SYT1: variants seen among roughly 807,000 people sequenced by gnomAD.
SYT1 encodes synaptotagmin-1.
A neutral mutation model predicts 44.8 loss-of-function variants in SYT1; 8 were observed. That is an observed-to-expected ratio of 0.18 (90% CI 0.10 to 0.32). The LOEUF is 0.32. Among genes scored for constraint, SYT1 ranks in the 10% least tolerant of loss-of-function variants. The pLI, the probability that SYT1 is intolerant of heterozygous loss-of-function variation, is 1.00. For synonymous variants in SYT1, 154 were observed against 188.8 expected (o/e 0.82, Z 1.51); for missense variants, 286 against 509.3 (o/e 0.56, Z 4.22).
intron 2 of SYT1, among the ~76,000 whole-genome samples, chr12:79,019,764 G>C (rs894488534): frequency 6.6e-6 from 1 of 151,888 alleles, no homozygotes; most frequent in Non-Finnish European, 1.5e-5. Flanking sequence ...GAGAAACCAG[G>C]AGTAAAATTT....
intron 1 of SYT1, among the ~76,000 whole-genome samples, chr12:78,897,354 A>C (rs944011821): frequency 6.6e-6 from 1 of 151,984 alleles, no homozygotes; most frequent in Non-Finnish European, 1.5e-5. Flanking sequence ...ATTACCCAGT[A>C]AACTATCCTT....
chr12:79,316,823 A>T (rs1357092378), intron 8 of SYT1, among the ~76,000 whole-genome samples: 4 of 152,228 alleles, frequency 2.6e-5, no homozygotes, highest in African/African-American at 9.6e-5. Flanking sequence ...TAAGCTTCTT[A>T]TAAGTGAGGA....
intron 3 of SYT1, among the ~76,000 whole-genome samples, chr12:79,055,767 T>C (rs1203705003): frequency 7.9e-5 from 12 of 152,054 alleles, no homozygotes; most frequent in African/African-American, 2.9e-4. Context: ...TAAAAATTAT[T>C]GTTGTTATAT....
intron 1 of SYT1, among the ~76,000 whole-genome samples, chr12:78,899,879 T>G (rs1875567530): frequency 6.6e-6 from 1 of 152,084 alleles, no homozygotes; most frequent in African/African-American, 2.4e-5. Context: ...CAAGATGAAG[T>G]TCTTTGAAGC....
At chr12:78,956,090 T>G (rs1471905536) in intron 1 of SYT1, among the ~76,000 whole-genome samples, 1 of 152,054 alleles carries the variant, frequency 6.6e-6, no homozygotes, top group Non-Finnish European at 1.5e-5. Context: ...TACTTCTCTA[T>G]TGAACACAGA....
chr12:79,201,558 C>G (rs1592848005), intron 3 of SYT1, among the ~76,000 whole-genome samples: 1 of 152,126 alleles, frequency 6.6e-6, no homozygotes, highest in African/African-American at 2.4e-5. Flanking sequence ...GTGACTGACA[C>G]TACCCAATTC....
At chr12:79,329,362 A>G (rs1386935275) in intron 8 of SYT1, among the ~76,000 whole-genome samples, 4 of 152,238 alleles carry the variant, frequency 2.6e-5, no homozygotes, top group Non-Finnish European at 5.9e-5. Flanking sequence ...GAACACTTAC[A>G]TGACATTATC....
intron 1 of SYT1, among the ~76,000 whole-genome samples, chr12:78,916,192 A>G (rs1432452408): frequency 6.6e-6 from 1 of 152,092 alleles, no homozygotes; most frequent in Non-Finnish European, 1.5e-5. Flanking sequence ...GACAGGCATT[A>G]ACATTATGGT....
intron 8 of SYT1, among the ~76,000 whole-genome samples, chr12:79,314,178 A>G (rs1338778332): frequency 6.6e-6 from 1 of 151,666 alleles, no homozygotes; most frequent in East Asian, 1.9e-4. Context: ...CAAAAAAAAA[A>G]AAAAAAAAAA....
At chr12:78,929,307 C>T (rs1317157618) in intron 1 of SYT1, among the ~76,000 whole-genome samples, 1 of 145,988 alleles carries the variant, frequency 6.8e-6, no homozygotes, top group East Asian at 2.1e-4. Flanking sequence ...GAGGCTGAGG[C>T]AGGAGAATTG....
intron 8 of SYT1, among the ~76,000 whole-genome samples, chr12:79,321,732 A>G (rs1381040074): frequency 6.6e-6 from 1 of 152,232 alleles, no homozygotes; most frequent in Non-Finnish European, 1.5e-5. Flanking sequence ...CAGGGGATAC[A>G]TTCATGGAAA....
chr12:79,282,477 ATT>A (rs1879101744), intron 4 of SYT1, among the ~76,000 whole-genome samples: 1 of 152,180 alleles, frequency 6.6e-6, no homozygotes, highest in South Asian at 2.1e-4. Flanking sequence ...GAATGTTAAA[ATT>A]GTTATTATAA....
intron 1 of SYT1, among the ~76,000 whole-genome samples, chr12:78,924,649 T>A (rs1217547461): frequency 6.8e-6 from 1 of 147,884 alleles, no homozygotes; most frequent in South Asian, 2.1e-4. Context: ...TTTATATATA[T>A]AAATATATAT....
chr12:79,253,445 G>T (rs1877335014), intron 4 of SYT1, among the ~76,000 whole-genome samples: 1 of 150,570 alleles, frequency 6.6e-6, no homozygotes, highest in East Asian at 2.0e-4. Flanking sequence ...CATAAATGTG[G>T]TGTATGTTCT....
chr12:79,266,108 T>C (rs2138748785), intron 4 of SYT1, among the ~76,000 whole-genome samples: 1 of 152,336 alleles, frequency 6.6e-6, no homozygotes, highest in South Asian at 2.1e-4. Flanking sequence ...GAAAGCTTTC[T>C]CTGCCTCTGA....
chr12:78,888,775 T>C (rs766974086), intron 1 of SYT1, among the ~76,000 whole-genome samples: 3 of 151,842 alleles, frequency 2.0e-5, no homozygotes, highest in Non-Finnish European at 2.9e-5. Flanking sequence ...AGGGTGCGAT[T>C]TGCATTCAAG....
intron 1 of SYT1, among the ~76,000 whole-genome samples, chr12:78,951,921 A>G (rs1378370510): frequency 2.0e-5 from 3 of 152,136 alleles, no homozygotes; most frequent in Admixed American, 6.6e-5. Context: ...ACACTCAGCA[A>G]GCTCCAGCTT....
chr12:79,354,479 A>C (rs1268233751), intron 9 of SYT1, among the ~76,000 whole-genome samples: 1 of 152,196 alleles, frequency 6.6e-6, no homozygotes, highest in Admixed American at 6.5e-5. Context: ...TCAAAAGGTC[A>C]TCCTAAGGCA....
At chr12:78,870,357 T>A (rs1162462247) in intron 1 of SYT1, among the ~76,000 whole-genome samples, 1 of 152,244 alleles carries the variant, frequency 6.6e-6, no homozygotes, top group East Asian at 1.9e-4. Flanking sequence ...CCTATTTCTG[T>A]ACTTGTGAAA....
Sources: allele counts gnomAD v4.1 joint callset (sites outside exome capture counted in the v4.1 genomes callset), GRCh38; gene constraint gnomAD v4.1.1; transcripts MANE v1.5; gene names NCBI Gene and HGNC (gene_info 2026-07-23, HGNC 2026-07-21).